The following KCNT2 variants were observed in gnomAD, a reference collection of about 807,000 sequenced individuals.
The protein encoded by KCNT2 is potassium channel subfamily T member 2.
KCNT2 carries 67 observed loss-of-function variants against 153.8 expected under a neutral mutation model. That is an observed-to-expected ratio of 0.44 (90% CI 0.36 to 0.53). KCNT2 has a LOEUF of 0.53. Among genes scored for constraint, KCNT2 ranks in the 20% least tolerant of loss-of-function variants. The pLI, the probability that KCNT2 is intolerant of heterozygous loss-of-function variation, is 0.00. For synonymous variants in KCNT2, 500 were observed against 458.8 expected (o/e 1.09, Z -1.15); for missense variants, 975 against 1,354.8 (o/e 0.72, Z 4.40).
chr1:196,443,384 C>A lies in KCNT2; in HGVS notation c.639-13627G>T, dbSNP rs1675414051. ...TAAAGAGGAAAAGCTGAGGCCTCAG[C>A]TTGATTCTCCTTGCCCTCCACAGCC... On this transcript the variant is annotated intron_variant, in intron 8 of 27. Transcript: ENST00000294725. 2.0e-5 allele frequency among the ~76,000 whole-genome samples: 3 copies of A among 151,510 alleles called. No homozygotes were observed. In the Admixed American group the frequency reaches 2.0e-4, roughly 10 times the overall value.
intron 14 of KCNT2, among the ~76,000 whole-genome samples, chr1:196,357,963 T>A (rs1572158394): frequency 6.6e-6 from 1 of 152,040 alleles, no homozygotes; most frequent in South Asian, 2.1e-4. Context: ...GTTTTTATAA[T>A]TTGGCAGTGC....
At chr1:196,408,805 C>T (rs771456097) in intron 12 of KCNT2, among the ~76,000 whole-genome samples, 2 of 151,512 alleles carry the variant, frequency 1.3e-5, no homozygotes, top group Non-Finnish European at 3.0e-5. Flanking sequence ...TGATGTATCT[C>T]TGTGAATGTT....
intron 22 of KCNT2, among the ~76,000 whole-genome samples, chr1:196,304,008 C>T (rs1420097710): frequency 6.6e-6 from 1 of 152,164 alleles, no homozygotes; most frequent in Non-Finnish European, 1.5e-5. Context: ...AATAGCCTTA[C>T]ATATGCCTTG....
chr1:196,284,753 T>A (rs899763262), intron 23 of KCNT2, among the ~76,000 whole-genome samples: 1 of 152,182 alleles, frequency 6.6e-6, no homozygotes, highest in African/African-American at 2.4e-5. Context: ...AGCTCTCATC[T>A]GACATAAGCA....
Position 196,340,824 on chromosome 1 carries a change from T to C in KCNT2, c.1554-254A>G, listed in dbSNP as rs184329454. 2.0e-5 allele frequency among the ~76,000 whole-genome samples: 3 copies of C among 152,044 alleles called. No individual in the cohort carries two copies. The East Asian group carries it at 5.8e-4, about 29-fold the overall frequency. On this transcript the variant is annotated intron_variant, in intron 15 of 27. Transcript: ENST00000294725. ...AAGAAACATGAGTGCATGTATACAC[T>C]AAGGGTAACATTATTTTGCGAATTT...
chr1:196,420,248 T>C (rs1673089672), intron 12 of KCNT2, among the ~76,000 whole-genome samples: 1 of 152,006 alleles, frequency 6.6e-6, no homozygotes, highest in Non-Finnish European at 1.5e-5. Context: ...ATTCTTATTT[T>C]ATGTATGTAC....
chr1:196,363,177 C>T (rs1667769246), intron 14 of KCNT2, among the ~76,000 whole-genome samples: 1 of 152,012 alleles, frequency 6.6e-6, no homozygotes, highest in Non-Finnish European at 1.5e-5. Flanking sequence ...TTAGTATGGA[C>T]TACTGGATGT....
intron 12 of KCNT2, among the ~76,000 whole-genome samples, chr1:196,403,934 C>A (rs1048548583): frequency 1.3e-5 from 2 of 151,486 alleles, no homozygotes; most frequent in Non-Finnish European, 3.0e-5. Context: ...TCTTATTTAT[C>A]TTAACCCTTG....
rs1177788106 is a variant in KCNT2, at chr1:196,258,504, A to G, written c.2911-10T>C. ...TGATAGATATTTGAGACTTTAAAGGAAATAGATATTGATAATTAGATACTT... is the reference window on the plus strand; with the variant it reads ...TGATAGATATTTGAGACTTTAAAGGGAATAGATATTGATAATTAGATACTT... On this transcript the variant is annotated splice_polypyrimidine_tract_variant and intron_variant, in intron 25 of 27. Transcript: ENST00000294725. 6.9e-7 allele frequency: 1 copy of G among 1,444,230 alleles called. No homozygotes were observed. Among genetic ancestry groups the G allele is most frequent in the South Asian group, 1.2e-5 (1 of 83,146 alleles). The allele number at this position is 1,444,230 out of a possible 1,614,324, so 89.5% of individuals were successfully genotyped here.
chr1:196,329,047 C>T (rs1664174531), intron 18 of KCNT2, among the ~76,000 whole-genome samples: 1 of 151,900 alleles, frequency 6.6e-6, no homozygotes, highest in African/African-American at 2.4e-5. Context: ...AATAACTTTC[C>T]CTAAGGAGAT....
At chr1:196,585,380 A>G (rs967791963) in intron 1 of KCNT2, among the ~76,000 whole-genome samples, 1 of 152,182 alleles carries the variant, frequency 6.6e-6, no homozygotes, top group African/African-American at 2.4e-5. Flanking sequence ...AACTGTGAAG[A>G]GAGGAAAAGA....
intron 16 of KCNT2, among the ~76,000 whole-genome samples, chr1:196,334,280 G>A (rs1664776943): frequency 6.6e-6 from 1 of 151,868 alleles, no homozygotes; most frequent in South Asian, 2.1e-4. Flanking sequence ...GCACAAAAGT[G>A]TATTTGCAGA....
At chr1:196,416,148 T>C (rs1672736945) in intron 12 of KCNT2, among the ~76,000 whole-genome samples, 1 of 152,008 alleles carries the variant, frequency 6.6e-6, no homozygotes, top group African/African-American at 2.4e-5. Context: ...AGTCACTTAG[T>C]AGCTGTCTCA....
In KCNT2 at chr1:196,325,896, A is replaced by G. The variant is rs539452766; in HGVS notation, c.2276+821T>C. Among the ~76,000 whole-genome samples, 3 of 152,264 alleles carry G rather than the reference A, an allele frequency of 2.0e-5. No homozygotes were observed. The East Asian group carries it at 5.8e-4, about 29-fold the overall frequency. On this transcript the variant is annotated intron_variant, in intron 19 of 27. Transcript: ENST00000294725. ...AATGTACTGGGCAGATGTCTCTCTTATGAAAAACTTTGATAATTTTGAAAG... is the reference window on the plus strand; with the variant it reads ...AATGTACTGGGCAGATGTCTCTCTTGTGAAAAACTTTGATAATTTTGAAAG...
At chr1:196,322,416 A>T (rs537606998) in intron 19 of KCNT2, among the ~76,000 whole-genome samples, 2 of 152,056 alleles carry the variant, frequency 1.3e-5, no homozygotes, top group East Asian at 3.9e-4. Context: ...AAACAAAAAA[A>T]CACAGGCTGA....
At chr1:196,279,620 G>C (rs1002137527) in intron 25 of KCNT2, among the ~76,000 whole-genome samples, 1 of 150,742 alleles carries the variant, frequency 6.6e-6, no homozygotes, top group African/African-American at 2.4e-5. Flanking sequence ...AGTAGAAATG[G>C]GGTTTCACCA....
chr1:196,437,355 T>C (rs995501389), intron 8 of KCNT2, among the ~76,000 whole-genome samples: 2 of 139,756 alleles, frequency 1.4e-5, no homozygotes, highest in East Asian at 2.1e-4. Flanking sequence ...TTTATTAATA[T>C]ATTTTTATTT....
intron 13 of KCNT2, among the ~76,000 whole-genome samples, chr1:196,397,609 T>G (rs1049187275): frequency 4.6e-5 from 7 of 151,420 alleles, no homozygotes; most frequent in African/African-American, 1.7e-4. Flanking sequence ...TGCTATACAT[T>G]GTTAGGAAAA....
chr1:196,433,801 T>A (rs991617321), intron 8 of KCNT2, among the ~76,000 whole-genome samples: 4 of 152,040 alleles, frequency 2.6e-5, no homozygotes. Context: ...TTCTATTGTC[T>A]TTATGTATAT....
Sources: allele counts gnomAD v4.1 joint callset (sites outside exome capture counted in the v4.1 genomes callset), GRCh38; gene constraint gnomAD v4.1.1; transcripts MANE v1.5; gene names NCBI Gene and HGNC (gene_info 2026-07-23, HGNC 2026-07-21).